The following RNF216 variants were observed in gnomAD, a reference collection of about 807,000 sequenced individuals.
RNF216 encodes the protein ring finger protein 216, also known as E3 ubiquitin-protein ligase RNF216.
Under a neutral mutation model 110.8 loss-of-function variants are expected in RNF216, and 72 were observed. That is an observed-to-expected ratio of 0.65 (90% CI 0.54 to 0.79). The LOEUF (loss-of-function observed/expected upper bound fraction) is 0.79, where lower values mean the gene tolerates loss of function less well. Among genes scored for constraint, RNF216 ranks in the 30% least tolerant of loss-of-function variants. RNF216 has a pLI of 0.00. For missense variants in RNF216, 1,342 were observed against 1,141.2 expected (o/e 1.18, Z -2.54); for synonymous variants, 495 against 407.5 (o/e 1.21, Z -2.59).
chr7:5,750,433 A>G (rs1795269687), intron 3 of RNF216, among the ~76,000 whole-genome samples: 1 of 152,232 alleles, frequency 6.6e-6, no homozygotes, highest in African/African-American at 2.4e-5. Context: ...TACTGTGATT[A>G]TCTTTGGTAG....
chr7:5,689,894 T>C (rs1000102660), intron 13 of RNF216, among the ~76,000 whole-genome samples: 10 of 150,526 alleles, frequency 6.6e-5, no homozygotes, highest in South Asian at 2.1e-4. Flanking sequence ...TGAGCCAAGA[T>C]TGCGCCACTG....
rs530913368 is a variant in RNF216 at position 5,751,653 on chromosome 7, C to T, written c.201+1193G>A. Among the ~76,000 whole-genome samples the T allele has an allele frequency of 5.3e-5, 8 of 151,966 alleles. No homozygotes were observed. The South Asian group carries it at 1.5e-3, about 28-fold the overall frequency. The stretch of plus-strand genomic sequence containing the variant: ...TTTTTCTCTTTTCTGTCTCCCTGTC[C>T]CAGCCTGACAAGAAAAGTAACTTTG... On this transcript the variant is annotated intron_variant, in intron 3 of 16. Coordinates refer to ENST00000389902, the MANE Select transcript of RNF216 (RefSeq NM_207111.4).
chr7:5,652,624 G>A (rs1788467017), intron 13 of RNF216, 114 bp from the exon 14 acceptor site: 1 of 717,672 alleles, frequency 1.4e-6, no homozygotes, highest in African/African-American at 1.8e-5. Context: ...TCTTTCAGAG[G>A]ATGCCTCTCC....
rs1387399417 is a variant in RNF216 at position 5,696,597 on chromosome 7, G to A, written c.2061+15164C>T. On this transcript the variant is annotated intron_variant, in intron 13 of 16. Transcript: ENST00000389902. This position sits in a 1 kb window ranked among gnomAD's most constrained non-coding sequence, Gnocchi z 5.4. ...AGATCGTGTCCTATGGTCTCGCTTC[G>A]GCCGCTCTTCACCAAAGCCTCTTCC... Among the ~76,000 whole-genome samples the A allele has an allele frequency of 1.3e-5, 2 of 152,032 alleles. No homozygotes were observed. Among genetic ancestry groups the A allele is most frequent in the Non-Finnish European group, 2.9e-5 (2 of 68,002 alleles).
In RNF216 at chr7:5,675,639, A is replaced by AAAACAAAC. The variant is rs372675901; in HGVS notation, c.2062-23137_2062-23130dup. On this transcript the variant is annotated intron_variant, in intron 13 of 16. Transcript: ENST00000389902. ...CTGGGTGACAGAGCAAGACCCTCTC[A>AAAACAAAC]AAACAAACAAACAAACAAACAAACG... 3.0e-3 allele frequency among the ~76,000 whole-genome samples: 450 copies of AAAACAAAC among 151,774 alleles called. 3 individuals are homozygous for AAAACAAAC. Among genetic ancestry groups the AAAACAAAC allele is most frequent in the African/African-American group, 9.9e-3 (409 of 41,312 alleles).
At position 5,639,864 on chromosome 7, in the gene RNF216, A is replaced by T. The variant is rs554608635; in HGVS notation, c.2382+1290T>A. On this transcript the variant is annotated intron_variant, in intron 15 of 16. Transcript: ENST00000389902. ...AAGCTCTGCCTCCTGGGTTCACGCCATTCTCCTGCCTCAACCTCCTGAGTA... is the reference window on the plus strand; with the variant it reads ...AAGCTCTGCCTCCTGGGTTCACGCCTTTCTCCTGCCTCAACCTCCTGAGTA... Among the ~76,000 whole-genome samples the T allele has an allele frequency of 8.4e-4, 127 of 150,980 alleles. 1 individual carries two copies. Among genetic ancestry groups the T allele is most frequent in the Non-Finnish European group, 1.8e-3 (124 of 67,852 alleles).
chr7:5,659,283 T>C (rs1434693809), intron 13 of RNF216, among the ~76,000 whole-genome samples: 42 of 152,216 alleles, frequency 2.8e-4, no homozygotes, highest in Admixed American at 2.7e-3. Context: ...AGTTTCTATC[T>C]TCATGACATT....
At chr7:5,738,087 CAAAAAAAAAAAAAAAA>C (rs200643372) in intron 5 of RNF216, among the ~76,000 whole-genome samples, 3 of 110,974 alleles carry the variant, frequency 2.7e-5, no homozygotes, top group African/African-American at 7.9e-5. Context: ...AGACTGTCTC[CAAAAAAAAAAAAAAAA>C]AAAAAAAAAA....
chr7:5,716,526 T>C (rs570714114), intron 10 of RNF216, among the ~76,000 whole-genome samples, 190 bp downstream of exon 10: 23 of 152,124 alleles, frequency 1.5e-4, no homozygotes, highest in African/African-American at 5.3e-4. Flanking sequence ...TTCCCTTCAA[T>C]TCTGATTCAG....
chr7:5,631,185 G>C (rs1383529753), intron 15 of RNF216, among the ~76,000 whole-genome samples: 1 of 152,146 alleles, frequency 6.6e-6, no homozygotes, highest in Non-Finnish European at 1.5e-5. Flanking sequence ...CAGAGCAAGG[G>C]GCTGTGTTTT....
At chr7:5,766,401 A>C (rs1796210561) in intron 1 of RNF216, among the ~76,000 whole-genome samples, 1 of 151,866 alleles carries the variant, frequency 6.6e-6, no homozygotes, top group Admixed American at 6.5e-5. Flanking sequence ...TCTGACCTCC[A>C]ATATAATGGT....
In RNF216 at chr7:5,754,103, T is replaced by C. The variant is rs1795478810; in HGVS notation, c.68-1124A>G. On this transcript the variant is annotated intron_variant, in intron 2 of 16. Coordinates refer to ENST00000389902, the MANE Select transcript of RNF216 (RefSeq NM_207111.4). ...TGAAATTCTTCCATTAAAGCTGTAATGTTTTTCTTTTGTGTGGTGTGTGTG... is the reference window on the plus strand; with the variant it reads ...TGAAATTCTTCCATTAAAGCTGTAACGTTTTTCTTTTGTGTGGTGTGTGTG... Among the ~76,000 whole-genome samples the C allele has an allele frequency of 2.0e-5, 3 of 149,070 alleles. No homozygotes were observed. The South Asian group carries it at 6.4e-4, about 32-fold the overall frequency.
At chr7:5,748,611 TACACACAC>T (rs10588945) in intron 3 of RNF216, among the ~76,000 whole-genome samples, 6,312 of 143,092 alleles carry the variant, frequency 0.044, 174 homozygotes, top group South Asian at 0.073. Flanking sequence ...TTTATATACA[TACACACAC>T]ACACACACAC....
intron 14 of RNF216, among the ~76,000 whole-genome samples, chr7:5,643,547 C>T (rs1381511953): frequency 2.0e-5 from 3 of 152,074 alleles, no homozygotes; most frequent in Non-Finnish European, 4.4e-5. Context: ...TGCTCACCAC[C>T]AGCCAGTGTG....
intron 1 of RNF216, among the ~76,000 whole-genome samples, chr7:5,769,883 A>G (rs1490601245): frequency 6.6e-6 from 1 of 150,788 alleles, no homozygotes; most frequent in Non-Finnish European, 1.5e-5. Flanking sequence ...TTAAAAATAC[A>G]AAAATTAGCC....
At chr7:5,724,771 C>G (rs1044455657) in intron 8 of RNF216, among the ~76,000 whole-genome samples, 14 of 152,186 alleles carry the variant, frequency 9.2e-5, no homozygotes, top group African/African-American at 2.9e-4. Flanking sequence ...AACGCCTTTA[C>G]TGGGTGGAAG....
intron 13 of RNF216, among the ~76,000 whole-genome samples, chr7:5,674,053 G>T (rs996996734): frequency 2.0e-5 from 3 of 149,444 alleles, no homozygotes; most frequent in African/African-American, 7.4e-5. Context: ...TTTTTACGAC[G>T]GAGTCTTGCC....
chr7:5,747,773 AAAG>A (rs527600198), intron 3 of RNF216, among the ~76,000 whole-genome samples: 18,643 of 36,156 alleles, frequency 0.52, 5,211 homozygotes, highest in Non-Finnish European at 0.54. Context: ...AAAAAAAAAA[AAAG>A]GGGAAAAAAA....
At chr7:5,645,411 C>G (rs899485819) in intron 14 of RNF216, among the ~76,000 whole-genome samples, 17 of 152,230 alleles carry the variant, frequency 1.1e-4, no homozygotes, top group Admixed American at 2.6e-4. Flanking sequence ...CCCTTAGGCT[C>G]TATTCACTTT....
Sources: allele counts gnomAD v4.1 joint callset (sites outside exome capture counted in the v4.1 genomes callset), GRCh38; gene constraint gnomAD v4.1.1; non-coding constraint Gnocchi (gnomAD v3.1); transcripts MANE v1.5; gene names NCBI Gene and HGNC (gene_info 2026-07-23, HGNC 2026-07-21).